Variants in NOMO1 observed in about 807,000 individuals in gnomAD.
NOMO1 encodes NODAL modulator 1.
NOMO1 carries 40 observed loss-of-function variants against 133.8 expected under a neutral mutation model. That is an observed-to-expected ratio of 0.30 (90% CI 0.23 to 0.39). NOMO1 has a LOEUF of 0.39. NOMO1 is among the 10% of genes least tolerant of loss of function. The pLI is 1.00. For synonymous variants in NOMO1, 236 were observed against 570.5 expected, an observed-to-expected ratio of 0.41 and a Z score of 8.36; for missense variants, 462 against 1,419.9, an observed-to-expected ratio of 0.33 and a Z score of 10.84.
rs778566291 is a variant in NOMO1, at chr16:14,876,415, G to A, written c.2413G>A (p.Gly805Ser). 1 of 1,611,260 alleles carries A rather than the reference G, an allele frequency of 6.2e-7. No homozygotes were observed. Among genetic ancestry groups the A allele is most frequent in the Non-Finnish European group, 8.5e-7 (1 of 1,179,736 alleles). ...TGGGAAGGCAGGCCTGTTTTTAGAA[G>A]GCCAGATCCACCCCGAGTTGGAAGG... The part of the protein sequence containing the change: ...IHGKAGLFLE[G>S]QIHPELEGVE... Residue 805 changes from glycine to serine, a missense_variant, in exon 21 of 31, where the codon GGC becomes AGC. Gly to Ser is a moderately conservative substitution (Grantham distance 56, BLOSUM62 0). Coordinates refer to ENST00000287667, the MANE Select transcript of NOMO1 (RefSeq NM_014287.4).
intron 11 of NOMO1, chr16:14,862,770 C>G (rs1235527518): frequency 3.6e-6 from 2 of 552,366 alleles, no homozygotes; most frequent in Non-Finnish European, 6.6e-6. Context: ...ACAAACAGCC[C>G]CACTACGGGC....
At chr16:14,872,919 T>C (rs140211531) in intron 18 of NOMO1, among the ~76,000 whole-genome samples, 43,821 of 143,424 alleles carry the variant, frequency 0.31, 8,032 homozygotes, top group Middle Eastern at 0.45. Context: ...GAATGGGCAT[T>C]GCAGTCCCTG....
rs1438457134 is a variant in NOMO1 at position 14,876,427 on chromosome 16, C to T, written c.2425C>T (p.Pro809Ser). The change falls in exon 21 of 31, where the codon CCC (proline) becomes TCC (serine). Residue 809 changes from proline to serine, a missense_variant. Coordinates refer to ENST00000287667, the MANE Select transcript of NOMO1 (RefSeq NM_014287.4). ...AGLFLEGQIH[P>S]ELEGVEIVIS... The stretch of plus-strand genomic sequence containing the variant: ...CCTGTTTTTAGAAGGCCAGATCCAC[C>T]CCGAGTTGGAAGGAGTCGAGATTGT... 1.2e-6 allele frequency: 2 copies of T among 1,611,072 alleles called. No individual in the cohort carries two copies. The highest frequency in any genetic ancestry group is 2.2e-5 in the East Asian group (1 of 44,812).
chr16:14,886,094 C>G (rs553717250), intron 27 of NOMO1, among the ~76,000 whole-genome samples: 2 of 152,080 alleles, frequency 1.3e-5, no homozygotes, highest in Admixed American at 6.5e-5. Context: ...TGCACCTTAA[C>G]CCTGCTCATG....
intron 26 of NOMO1, among the ~76,000 whole-genome samples, chr16:14,883,858 G>A (rs1367411172): frequency 3.3e-5 from 5 of 151,242 alleles, no homozygotes; most frequent in African/African-American, 1.2e-4. Context: ...CTGTGACTCT[G>A]CCCCTGCTCT....
intron 6 of NOMO1, among the ~76,000 whole-genome samples, chr16:14,851,164 ATGTT>A (rs1268442433): frequency 1.5e-4 from 23 of 151,252 alleles, no homozygotes; most frequent in Non-Finnish European, 2.7e-4. Context: ...TTTACATTGT[ATGTT>A]AATTGTCTGC....
rs201212209 is a variant in NOMO1 at position 14,864,453 on chromosome 16, C to T, written c.1396-132C>T. On this transcript the variant is annotated intron_variant, in intron 12 of 30. Coordinates refer to ENST00000287667, the MANE Select transcript of NOMO1 (RefSeq NM_014287.4). The stretch of plus-strand genomic sequence containing the variant: ...CGTGGATTTGTTGTGATTGTAAAAT[C>T]GGCCTGGAAACGAACCTTTGGCCTT... 3,625 of 1,455,548 alleles carry T rather than the reference C, an allele frequency of 2.5e-3. 54 individuals are homozygous for T. The East Asian group carries it at 0.038, about 15-fold the overall frequency. The allele number at this position is 1,455,548 out of a possible 1,614,324, so 90.2% of individuals were successfully genotyped here. A position where few individuals can be genotyped will look rare whatever the true frequency, so the allele number is the denominator to read the frequency against.
intron 15 of NOMO1, among the ~76,000 whole-genome samples, chr16:14,868,115 G>T (rs1964031141): frequency 1.0e-5 from 1 of 97,536 alleles, no homozygotes; most frequent in South Asian, 4.1e-4. Flanking sequence ...CAGCCCTATT[G>T]TTCAGGAGAG....
At chr16:14,855,618 A>G (rs1963822907) in intron 9 of NOMO1, among the ~76,000 whole-genome samples, 1 of 151,896 alleles carries the variant, frequency 6.6e-6, no homozygotes, top group South Asian at 2.1e-4. Flanking sequence ...GGGGAAAGAG[A>G]AGGGTAAGAA....
rs1250684861 is a variant in NOMO1, at chr16:14,867,452, T to C, written c.1806+761T>C. ...CCTGACCTCAGGGGATCCACCCGCGTTGGCCTCGCAGAGTGCTAGGATTAC... is the reference window on the plus strand; with the variant it reads ...CCTGACCTCAGGGGATCCACCCGCGCTGGCCTCGCAGAGTGCTAGGATTAC... On this transcript the variant is annotated intron_variant, in intron 15 of 30. Coordinates refer to ENST00000287667, the MANE Select transcript of NOMO1 (RefSeq NM_014287.4). Among the ~76,000 whole-genome samples, 4 of 54,898 alleles carry C rather than the reference T, an allele frequency of 7.3e-5. 1 individual carries two copies. The highest frequency in any genetic ancestry group is 1.7e-4 in the African/African-American group (4 of 23,986). The allele number at this position is 54,898 out of a possible 152,430, so 36.0% of individuals were successfully genotyped here. A position where few individuals can be genotyped will look rare whatever the true frequency, so the allele number is the denominator to read the frequency against.
At chr16:14,867,210 T>C (rs1373961346) in intron 15 of NOMO1, among the ~76,000 whole-genome samples, 2 of 56,408 alleles carry the variant, frequency 3.5e-5, no homozygotes, top group African/African-American at 1.2e-4. Flanking sequence ...TTTTTTGAGA[T>C]GGAGTCTTGC....
In NOMO1 at chr16:14,864,810, C is replaced by T. The variant is rs1963969395; in HGVS notation, c.1537+84C>T. 5 of 1,611,176 alleles carry T rather than the reference C, an allele frequency of 3.1e-6. No homozygotes were observed. The East Asian group carries it at 6.7e-5, about 22-fold the overall frequency. The stretch of plus-strand genomic sequence containing the variant: ...GGGATTTGGGAAACTTTTCCTTTTG[C>T]CTTTGTTGTTTGCTACTGATCACCT... On this transcript the variant is annotated intron_variant, in intron 13 of 30. Coordinates refer to ENST00000287667, the MANE Select transcript of NOMO1 (RefSeq NM_014287.4).
chr16:14,885,496 C>T (rs1037699016), intron 27 of NOMO1, among the ~76,000 whole-genome samples: 1 of 152,100 alleles, frequency 6.6e-6, no homozygotes, highest in Non-Finnish European at 1.5e-5. Context: ...GTGATTTGCT[C>T]TGGGGGTACA....
chr16:14,843,036 GCCT>G (rs1453040910), intron 3 of NOMO1, among the ~76,000 whole-genome samples: 1 of 135,880 alleles, frequency 7.4e-6, no homozygotes, highest in Non-Finnish European at 1.6e-5. Flanking sequence ...TTGTGCCTCA[GCCT>G]CCTCAGTAGA....
rs1445148017 is a variant in NOMO1 at position 14,846,601 on chromosome 16, G to C, written c.427G>C (p.Gly143Arg). 1 of 1,235,724 alleles carries C rather than the reference G, an allele frequency of 8.1e-7. No individual in the cohort carries two copies. The highest frequency in any genetic ancestry group is 1.1e-6 in the Non-Finnish European group (1 of 877,394). 76.5% of individuals were successfully genotyped at this position (1,235,724 alleles called of 1,614,324 possible). ...GGTCCTCAGCAAAGGGCAGCCCCTG[G>C]GTCCTGCGGGAGTTCAGGTGTCTCT... ...GKVLSKGQPLGPAGVQVSLRN... is the reference protein window; with the variant it reads ...GKVLSKGQPLRPAGVQVSLRN... Residue 143 changes from glycine to arginine, a missense_variant, in exon 5 of 31, where the codon GGT becomes CGT. Gly to Arg is a moderately radical substitution (Grantham distance 125, BLOSUM62 -2). Transcript: ENST00000287667.
chr16:14,868,831 A>G (rs1395426561), intron 16 of NOMO1, among the ~76,000 whole-genome samples, 196 bp downstream of exon 16: 1 of 151,144 alleles, frequency 6.6e-6, no homozygotes, highest in Non-Finnish European at 1.5e-5. Context: ...CACCTCCAAA[A>G]ATATACCATT....
At chr16:14,871,414 C>T (rs561189341) in intron 16 of NOMO1, among the ~76,000 whole-genome samples, 47 of 152,190 alleles carry the variant, frequency 3.1e-4, no homozygotes, top group Admixed American at 4.6e-4. Flanking sequence ...CCTGTGATCG[C>T]GCCATTGCAT....
At chr16:14,866,816 C>T (rs1238189816) in intron 15 of NOMO1, 125 bp downstream of exon 15, 43 of 1,597,566 alleles carry the variant, frequency 2.7e-5, no homozygotes, top group East Asian at 6.8e-5. Context: ...CCTCTCCACT[C>T]GCCCACCTGT....
chr16:14,882,452 A>G, intron 25 of NOMO1, 142 bp from the exon 26 acceptor site: 1 of 1,075,232 alleles, frequency 9.3e-7, no homozygotes, highest in Non-Finnish European at 1.4e-6. Context: ...CTGGACTCTT[A>G]AGGTTAACAG....
Sources: gnomAD v4.1 joint callset for allele counts (sites outside exome capture counted in the v4.1 genomes callset) on GRCh38, gnomAD v4.1.1 for gene constraint, MANE v1.5 for transcripts, NCBI Gene and HGNC (gene_info 2026-07-23, HGNC 2026-07-21) for gene names.